The following GLIS3 variants were observed in gnomAD, a reference collection of about 807,000 sequenced individuals.
GLIS3 encodes GLIS family zinc finger 3.
A neutral mutation model predicts 78.6 loss-of-function variants in GLIS3; 53 were observed. The ratio of observed to expected loss-of-function variants is 0.67; its 90% confidence interval spans 0.54 to 0.85. The LOEUF is 0.85. Among genes scored for constraint, GLIS3 ranks in the 40% least tolerant of loss-of-function variants. GLIS3 has a pLI of 0.00. For missense variants in GLIS3, 1,703 were observed against 1,231.1 expected, an observed-to-expected ratio of 1.38 and a Z score of -5.74; for synonymous variants, 684 against 509.9, an observed-to-expected ratio of 1.34 and a Z score of -4.60.
intron 4 of GLIS3, among the ~76,000 whole-genome samples, chr9:4,085,696 A>G (rs1180143243): frequency 2.0e-5 from 3 of 152,162 alleles, no homozygotes; most frequent in Non-Finnish European, 4.4e-5. Flanking sequence ...TGAATGGTTT[A>G]GCGCTATCCC....
chr9:4,105,499 C>T lies in GLIS3; in HGVS notation c.1710+12269G>A, dbSNP rs147943960. 8.2e-4 allele frequency among the ~76,000 whole-genome samples: 125 copies of T among 152,242 alleles called. 1 individual carries two copies. Among genetic ancestry groups the T allele is most frequent in the African/African-American group, 2.2e-3 (92 of 41,546 alleles). On this transcript the variant is annotated intron_variant, in intron 4 of 10. Coordinates refer to ENST00000381971, the MANE Select transcript of GLIS3 (RefSeq NM_001042413.2). ...TCTTTGGAGGAAATGTATAATCAGG[C>T]AACTAAAAATGCCTTTTATGAAATT... is the stretch of plus-strand genomic sequence containing the variant.
At chr9:3,996,876 G>C (rs1019571179) in intron 4 of GLIS3, among the ~76,000 whole-genome samples, 19 of 151,938 alleles carry the variant, frequency 1.3e-4, no homozygotes, top group African/African-American at 2.7e-4. Context: ...AGATTAAAAA[G>C]GTAAATAAAT....
At chr9:3,982,526 G>T (rs1258593833) in intron 4 of GLIS3, among the ~76,000 whole-genome samples, 1 of 152,172 alleles carries the variant, frequency 6.6e-6, no homozygotes, top group Non-Finnish European at 1.5e-5. Flanking sequence ...GAAAACACAG[G>T]GGAAGCTTCT....
intron 4 of GLIS3, among the ~76,000 whole-genome samples, chr9:4,087,872 C>T (rs1180928279): frequency 6.6e-6 from 1 of 152,180 alleles, no homozygotes; most frequent in African/African-American, 2.4e-5. Flanking sequence ...TTTGGCCCCT[C>T]AACACAGGAA....
At chr9:4,395,748 T>C in the GLIS3 span, among the ~76,000 whole-genome samples, 2 of 151,878 alleles carry the variant, frequency 1.3e-5, no homozygotes, top group Non-Finnish European at 2.9e-5. Context: ...CTGAGAATAA[T>C]TGGTCACCAT....
intron 4 of GLIS3, among the ~76,000 whole-genome samples, chr9:4,105,314 G>A (rs541530730): frequency 6.6e-6 from 1 of 152,278 alleles, no homozygotes; most frequent in South Asian, 2.1e-4. Flanking sequence ...TTGGCTAAGT[G>A]AGAATCCAAC....
chr9:4,454,313 A>T, the GLIS3 span, among the ~76,000 whole-genome samples: 4 of 152,180 alleles, frequency 2.6e-5, no homozygotes, highest in Non-Finnish European at 5.9e-5. Flanking sequence ...CCACCACACT[A>T]CTTTGGATAT....
intron 2 of GLIS3, among the ~76,000 whole-genome samples, chr9:4,190,993 T>A (rs1327580182): frequency 6.6e-6 from 1 of 152,026 alleles, no homozygotes; most frequent in African/African-American, 2.4e-5. Context: ...TGAGAGATTT[T>A]GTCACCGCCA....
chr9:3,920,455 T>C (rs1159475906), intron 6 of GLIS3, among the ~76,000 whole-genome samples: 1 of 152,104 alleles, frequency 6.6e-6, no homozygotes, highest in African/African-American at 2.4e-5. Context: ...GAAATATTAA[T>C]GAGGATAGAG....
intron 4 of GLIS3, among the ~76,000 whole-genome samples, chr9:4,005,648 C>A (rs980182525): frequency 6.6e-6 from 1 of 152,068 alleles, no homozygotes; most frequent in African/African-American, 2.4e-5. Context: ...TTGGGCCAGC[C>A]GCTATTAAGT....
chr9:4,150,054 A>ACG (rs1834550450), intron 2 of GLIS3, among the ~76,000 whole-genome samples: 1 of 152,138 alleles, frequency 6.6e-6, no homozygotes. Flanking sequence ...ATAAACACAC[A>ACG]CACACAGATG....
At chr9:4,486,735 G>C in the GLIS3 span, among the ~76,000 whole-genome samples, 4 of 152,174 alleles carry the variant, frequency 2.6e-5, no homozygotes, top group Non-Finnish European at 5.9e-5. Flanking sequence ...TGTCACCCAG[G>C]CTGGAGTGCA....
At chr9:3,917,503 A>C (rs966760456) in intron 6 of GLIS3, among the ~76,000 whole-genome samples, 1 of 152,220 alleles carries the variant, frequency 6.6e-6, no homozygotes, top group African/African-American at 2.4e-5. Context: ...GATGGAACAT[A>C]ATAAAACTCC....
At chr9:4,368,025 C>T in the GLIS3 span, among the ~76,000 whole-genome samples, 4 of 152,218 alleles carry the variant, frequency 2.6e-5, no homozygotes, top group Non-Finnish European at 5.9e-5. Flanking sequence ...GGACTTTCTA[C>T]TGTATGATGT....
At chr9:3,892,357 T>C (rs1822522551) in intron 7 of GLIS3, among the ~76,000 whole-genome samples, 1 of 152,180 alleles carries the variant, frequency 6.6e-6, no homozygotes, top group South Asian at 2.1e-4. Context: ...AAGGCAGTGT[T>C]AATGGTTTGA....
the GLIS3 span, among the ~76,000 whole-genome samples, chr9:4,411,752 C>G: frequency 6.6e-6 from 1 of 152,206 alleles, no homozygotes; most frequent in Non-Finnish European, 1.5e-5. Context: ...GGACAAGTGG[C>G]TTACAACACC....
intron 2 of GLIS3, among the ~76,000 whole-genome samples, chr9:4,242,557 T>C (rs920111590): frequency 1.3e-5 from 2 of 152,022 alleles, no homozygotes; most frequent in South Asian, 2.1e-4. Flanking sequence ...CTGAGGGAGG[T>C]TGTCTCACAA....
intron 4 of GLIS3, among the ~76,000 whole-genome samples, chr9:4,075,136 G>A (rs1359851401): frequency 1.6e-5 from 2 of 124,172 alleles, no homozygotes; most frequent in African/African-American, 4.7e-5. Context: ...TGGAGGAGAT[G>A]AATACGTTCA....
chr9:4,210,015 A>C (rs906772439), intron 2 of GLIS3, among the ~76,000 whole-genome samples: 2 of 152,230 alleles, frequency 1.3e-5, no homozygotes, highest in African/African-American at 4.8e-5. Context: ...TGCACATTTC[A>C]GGAAATGTAA....
Sources: gnomAD v4.1 joint callset for allele counts (sites outside exome capture counted in the v4.1 genomes callset) on GRCh38, gnomAD v4.1.1 for gene constraint, MANE v1.5 for transcripts, NCBI Gene and HGNC (gene_info 2026-07-23, HGNC 2026-07-21) for gene names.